Variants in SLC25A37 observed in about 807,000 individuals in gnomAD.
SLC25A37 encodes the protein solute carrier family 25 member 37, also known as mitoferrin-1.
Under a neutral mutation model 31.0 loss-of-function variants are expected in SLC25A37, and 17 were observed. That is an observed-to-expected ratio of 0.55 (90% CI 0.38 to 0.82). The LOEUF (loss-of-function observed/expected upper bound fraction) is 0.82, where lower values mean the gene tolerates loss of function less well. SLC25A37 is among the 40% of genes least tolerant of loss of function. The pLI is 0.00. For synonymous variants in SLC25A37, 222 were observed against 193.0 expected (o/e 1.15, Z -1.24); for missense variants, 404 against 465.8 (o/e 0.87, Z 1.22).
chr8:23,564,940 C>T (rs754089333), intron 1 of SLC25A37, among the ~76,000 whole-genome samples: 3 of 150,776 alleles, frequency 2.0e-5, no homozygotes, highest in African/African-American at 5.0e-5. Context: ...TACCTACCTA[C>T]GTACCTACCT....
chr8:23,535,955 T>A (rs1801759179), intron 1 of SLC25A37, among the ~76,000 whole-genome samples: 1 of 152,176 alleles, frequency 6.6e-6, no homozygotes, highest in Non-Finnish European at 1.5e-5. Context: ...AAGATGAGAT[T>A]TGAGTGGGGA....
Position 23,571,568 on chromosome 8 carries a change from G to T in SLC25A37, c.730G>T (p.Ala244Ser), listed in dbSNP as rs746084816. Residue 244 changes from alanine (A) to serine (S), a missense_variant, in exon 4 of 4, where the codon GCC (alanine) becomes TCC (serine). Physicochemically the swap from Ala to Ser is moderately conservative, Grantham distance 99 (BLOSUM62 1). This residue lies in a region of SLC25A37 where 243 missense variants were observed against 284.4 expected (regional missense o/e 0.85). Transcript: ENST00000519973. ...PQSHIISGGL[A>S]GALAAAATTP... is the part of the protein sequence containing the mutation. ...GTCCCACATCATCTCAGGCGGGCTGGCCGGGGCCCTCGCCGCGGCCGCCAC... is the reference window on the plus strand; with the variant it reads ...GTCCCACATCATCTCAGGCGGGCTGTCCGGGGCCCTCGCCGCGGCCGCCAC... 13 of 1,613,638 alleles carry T rather than the reference G, an allele frequency of 8.1e-6. No homozygotes were observed. Among genetic ancestry groups the T allele is most frequent in the African/African-American group, 2.7e-5 (2 of 74,904 alleles).
At chr8:23,533,450 T>C (rs1231896760) in intron 1 of SLC25A37, among the ~76,000 whole-genome samples, 1 of 152,240 alleles carries the variant, frequency 6.6e-6, no homozygotes, top group Non-Finnish European at 1.5e-5. Flanking sequence ...CCCAAACCTT[T>C]TCCTGGCTTC....
intron 1 of SLC25A37, among the ~76,000 whole-genome samples, chr8:23,532,476 A>G (rs966885962): frequency 1.3e-5 from 2 of 152,290 alleles, no homozygotes; most frequent in Admixed American, 1.3e-4. Context: ...GGAGAGCTCA[A>G]GACTTGAGGA....
chr8:23,536,481 C>T (rs752737063), intron 1 of SLC25A37, among the ~76,000 whole-genome samples: 53 of 152,226 alleles, frequency 3.5e-4, no homozygotes, highest in Non-Finnish European at 6.0e-4. Context: ...GTTGGCCCTG[C>T]GATCCTCAGT....
At chr8:23,558,520 A>G (rs903272413) in intron 1 of SLC25A37, among the ~76,000 whole-genome samples, 1 of 151,250 alleles carries the variant, frequency 6.6e-6, no homozygotes, top group Non-Finnish European at 1.5e-5. Flanking sequence ...TGCATTTTCC[A>G]CTCTCCCTCC....
At position 23,566,150 on chromosome 8, in the gene SLC25A37, A is replaced by G; in HGVS notation, c.253A>G (p.Thr85Ala). ...SLSPDPKAQY[T>A]SIYGALKKIM... ...GAGTCCAGATCCCAAAGCCCAGTAC[A>G]CAAGTATCTACGGAGCCCTCAAGAA... is the stretch of plus-strand genomic sequence containing the variant. Residue 85 changes from threonine (T) to alanine (A), a missense_variant, in exon 2 of 4, where the codon ACA becomes GCA. Physicochemically the swap from Thr to Ala is moderately conservative, Grantham distance 58. This residue lies in a region of SLC25A37 where 154 missense variants were observed against 153.6 expected (regional missense o/e 1.00). Coordinates refer to ENST00000519973, the MANE Select transcript of SLC25A37 (RefSeq NM_016612.4). 1 of 1,603,678 alleles carries G rather than the reference A, an allele frequency of 6.2e-7. No homozygotes were observed. Among genetic ancestry groups the G allele is most frequent in the Non-Finnish European group, 8.5e-7 (1 of 1,176,816 alleles).
intron 1 of SLC25A37, among the ~76,000 whole-genome samples, chr8:23,536,918 G>A (rs760826876): frequency 5.9e-5 from 9 of 152,144 alleles, no homozygotes; most frequent in Non-Finnish European, 8.8e-5. Flanking sequence ...AGTTTAGGCC[G>A]AGCTCAGTGG....
In SLC25A37 at chr8:23,549,842, C is replaced by T. The variant is rs1802174933; in HGVS notation, c.211-16266C>T. Reference sequence around the variant, plus strand: ...TGGGGCTTACATCCCCAGCTGTTAACCTGTGGGGTGGGCCCCAGACTGTGG... The same window carrying T: ...TGGGGCTTACATCCCCAGCTGTTAATCTGTGGGGTGGGCCCCAGACTGTGG... On this transcript the variant is annotated intron_variant, in intron 1 of 3. Transcript: ENST00000519973. 2.9e-5 allele frequency among the ~76,000 whole-genome samples: 4 copies of T among 138,370 alleles called. 1 individual carries two copies. The highest frequency in any genetic ancestry group is 7.1e-3 in the Middle Eastern group (2 of 282). The allele number at this position is 138,370 out of a possible 152,430, so 90.8% of individuals were successfully genotyped here. A position where few individuals can be genotyped will look rare whatever the true frequency, so the allele number is the denominator to read the frequency against.
At chr8:23,557,699 G>T (rs1425291121) in intron 1 of SLC25A37, among the ~76,000 whole-genome samples, 3 of 152,202 alleles carry the variant, frequency 2.0e-5, no homozygotes, top group East Asian at 3.8e-4. Flanking sequence ...GCTGGCCAGG[G>T]GGCTGCAGGG....
intron 1 of SLC25A37, among the ~76,000 whole-genome samples, chr8:23,552,583 T>C (rs557118341): frequency 4.6e-5 from 7 of 152,266 alleles, no homozygotes; most frequent in Admixed American, 3.9e-4. Context: ...CTGTCTTACC[T>C]GGGAGGTCTT....
At chr8:23,570,948 C>CA (rs1802809021) in intron 3 of SLC25A37, among the ~76,000 whole-genome samples, 1 of 152,066 alleles carries the variant, frequency 6.6e-6, no homozygotes, top group Non-Finnish European at 1.5e-5. Context: ...GCAGAGGGGA[C>CA]AGGGGACAGG....
At chr8:23,530,277 G>A (rs1801638075) in intron 1 of SLC25A37, among the ~76,000 whole-genome samples, 1 of 152,210 alleles carries the variant, frequency 6.6e-6, no homozygotes, top group Non-Finnish European at 1.5e-5. Context: ...GGCTGCAGCT[G>A]CAGTGTGCTT....
chr8:23,566,448 G>A (rs1047183797), intron 2 of SLC25A37, 112 bp downstream of exon 2: 12 of 1,489,628 alleles, frequency 8.1e-6, no homozygotes, highest in Middle Eastern at 1.7e-4. Flanking sequence ...GCTTGCTCAC[G>A]AATAAAGAAC....
At chr8:23,531,638 T>C (rs1269549395) in intron 1 of SLC25A37, 3 of 152,274 alleles carry the variant, frequency 2.0e-5, no homozygotes, top group Non-Finnish European at 4.4e-5. Context: ...TTTGATCTTG[T>C]AATGACAAAT....
intron 2 of SLC25A37, 169 bp downstream of exon 2, chr8:23,566,505 C>A: frequency 7.2e-7 from 1 of 1,383,280 alleles, no homozygotes; most frequent in Non-Finnish European, 9.3e-7. Context: ...CACGCACACA[C>A]ACGCGCGCGC....
chr8:23,546,906 G>C lies in SLC25A37; in HGVS notation c.210+17694G>C, dbSNP rs922106048. ...GGGGGTTGGGGTGCAGTGCGTATTAGTACAATGTTAGGTGGTGGCAGGTTC... is the reference window on the plus strand; with the variant it reads ...GGGGGTTGGGGTGCAGTGCGTATTACTACAATGTTAGGTGGTGGCAGGTTC... On this transcript the variant is annotated intron_variant, in intron 1 of 3. Coordinates refer to ENST00000519973, the MANE Select transcript of SLC25A37 (RefSeq NM_016612.4). Among the ~76,000 whole-genome samples the C allele has an allele frequency of 2.0e-5, 3 of 151,914 alleles. No homozygotes were observed. In the East Asian group the frequency reaches 5.8e-4, roughly 29 times the overall value.
intron 3 of SLC25A37, among the ~76,000 whole-genome samples, chr8:23,569,837 T>G (rs934323863): frequency 1.1e-4 from 16 of 152,228 alleles, no homozygotes; most frequent in African/African-American, 3.9e-4. Context: ...TGGGTCATTC[T>G]CTACCTGGCG....
chr8:23,542,044 G>T (rs1801907273), intron 1 of SLC25A37, among the ~76,000 whole-genome samples: 1 of 152,194 alleles, frequency 6.6e-6, no homozygotes, highest in African/African-American at 2.4e-5. Flanking sequence ...TGAAAATGTA[G>T]CTTCATCCCC....
Sources: allele counts gnomAD v4.1 joint callset (sites outside exome capture counted in the v4.1 genomes callset), GRCh38; gene constraint gnomAD v4.1.1; regional missense constraint gnomAD v4.1.1; transcripts MANE v1.5; gene names NCBI Gene and HGNC (gene_info 2026-07-23, HGNC 2026-07-21).